The following MAN2A1 variants were observed in gnomAD, a reference collection of about 807,000 sequenced individuals.
The protein encoded by MAN2A1 is alpha-mannosidase 2.
In MAN2A1, 76 loss-of-function variants were observed where a neutral mutation model predicts 142.6. The observed-to-expected ratio is 0.53, with a 90% CI of 0.44 to 0.65. MAN2A1 has a LOEUF of 0.65. Among genes scored for constraint, MAN2A1 ranks in the 30% least tolerant of loss-of-function variants. The pLI, the probability that MAN2A1 is intolerant of heterozygous loss-of-function variation, is 0.00. For synonymous variants in MAN2A1, 559 were observed against 473.2 expected, an observed-to-expected ratio of 1.18 and a Z score of -2.35; for missense variants, 1,311 against 1,365.1, an observed-to-expected ratio of 0.96 and a Z score of 0.62.
At chr5:109,696,292 G>A (rs1360830422) in intron 1 of MAN2A1, among the ~76,000 whole-genome samples, 2 of 152,000 alleles carry the variant, frequency 1.3e-5, no homozygotes, top group East Asian at 3.9e-4. Flanking sequence ...GTAGAGACGG[G>A]GTTTCACCAT....
At chr5:109,816,368 C>A (rs545909117) in intron 12 of MAN2A1, among the ~76,000 whole-genome samples, 5 of 152,270 alleles carry the variant, frequency 3.3e-5, no homozygotes, top group African/African-American at 1.2e-4. Context: ...AAAAGTTGCA[C>A]GTAGTTGCAA....
At chr5:109,856,890 G>C (rs935215411) in intron 20 of MAN2A1, among the ~76,000 whole-genome samples, 1 of 152,124 alleles carries the variant, frequency 6.6e-6, no homozygotes, top group Non-Finnish European at 1.5e-5. Context: ...AAATGCCCCT[G>C]CCCTTCTAGA....
At chr5:109,749,353 C>T (rs1286516790) in intron 4 of MAN2A1, among the ~76,000 whole-genome samples, 1 of 152,006 alleles carries the variant, frequency 6.6e-6, no homozygotes, top group Non-Finnish European at 1.5e-5. Flanking sequence ...AGGTAAAATG[C>T]GGAATGACAG....
At chr5:109,813,692 T>C (rs1445128437) in intron 12 of MAN2A1, among the ~76,000 whole-genome samples, 3 of 152,218 alleles carry the variant, frequency 2.0e-5, no homozygotes, top group Non-Finnish European at 4.4e-5. Context: ...TGGGCACTGA[T>C]TAGATTTACC....
Position 109,774,832 on chromosome 5 carries a change from T to C in MAN2A1, c.1241T>C (p.Phe414Ser), listed in dbSNP as rs755099426. The C allele has an allele frequency of 1.2e-6, 2 of 1,613,172 alleles. No homozygotes were observed. The highest frequency in any genetic ancestry group is 4.5e-5 in the East Asian group (2 of 44,782). ...CAGTACCGAAAGAAGTCAAAGCTTT[T>C]TCGTACCAAAGTTCTCCTGGCTCCA... ...LDQYRKKSKL[F>S]RTKVLLAPLG... Residue 414 changes from phenylalanine to serine, a missense_variant, in exon 8 of 22, where the codon TTT becomes TCT. Phe to Ser is a radical substitution (Grantham distance 155). Coordinates refer to ENST00000261483, the MANE Select transcript of MAN2A1 (RefSeq NM_002372.4).
At position 109,781,546 on chromosome 5, in the gene MAN2A1, A is replaced by T; in HGVS notation, c.1525A>T (p.Thr509Ser). The change falls in exon 9 of 22, where the codon ACA becomes TCA. Residue 509 changes from threonine to serine, a missense_variant. This residue lies in a region of MAN2A1 where 890 missense variants were observed against 920.5 expected (regional missense o/e 0.97). Transcript: ENST00000261483. ...TGATCATTACTGGAGTGGCTATTTT[A>T]CATCCAGACCCTTTTACAAACGAAT... ...RDDHYWSGYF[T>S]SRPFYKRMDR... The T allele has an allele frequency of 6.2e-7, 1 of 1,612,702 alleles. No homozygotes were observed. The highest frequency in any genetic ancestry group is 8.5e-7 in the Non-Finnish European group (1 of 1,179,606).
chr5:109,862,034 A>G (rs1755771916), intron 20 of MAN2A1, among the ~76,000 whole-genome samples: 1 of 152,240 alleles, frequency 6.6e-6, no homozygotes. Flanking sequence ...AAATGAGTTA[A>G]TTGATGAAAA....
chr5:109,722,980 A>G (rs1751646832), intron 3 of MAN2A1, among the ~76,000 whole-genome samples: 1 of 152,152 alleles, frequency 6.6e-6, no homozygotes, highest in African/African-American at 2.4e-5. Flanking sequence ...GAGGGAGGGG[A>G]GGAGCTTTAG....
chr5:109,831,608 A>G (rs184057962), intron 16 of MAN2A1, among the ~76,000 whole-genome samples: 13 of 152,330 alleles, frequency 8.5e-5, no homozygotes, highest in African/African-American at 1.2e-4. Context: ...AGCATATCCA[A>G]TGGGCAGTGG....
intron 2 of MAN2A1, among the ~76,000 whole-genome samples, chr5:109,714,433 AAATT>A (rs1751397427): frequency 6.6e-6 from 1 of 152,334 alleles, no homozygotes; most frequent in African/African-American, 2.4e-5. Context: ...TGAAATTTTA[AAATT>A]AATTTCAACT....
At chr5:109,714,151 T>C (rs1205634837) in intron 2 of MAN2A1, among the ~76,000 whole-genome samples, 1 of 151,494 alleles carries the variant, frequency 6.6e-6, no homozygotes. Flanking sequence ...TTGTACATTA[T>C]AGATTTTGTA....
chr5:109,809,273 T>C (rs552637529), intron 12 of MAN2A1, among the ~76,000 whole-genome samples: 2 of 152,308 alleles, frequency 1.3e-5, no homozygotes, highest in South Asian at 4.1e-4. Context: ...TGACTTATTA[T>C]AGTTTAATTG....
At chr5:109,847,894 AT>A in intron 19 of MAN2A1, 104 bp downstream of exon 19, 1 of 864,554 alleles carries the variant, frequency 1.2e-6, no homozygotes, top group East Asian at 3.2e-5. Flanking sequence ...CATTTCCAAT[AT>A]TGAGATTTCT....
rs35865108 is a variant in MAN2A1, at chr5:109,749,870, A to G, written c.708-5459A>G. Among the ~76,000 whole-genome samples, 1,478 of 152,200 alleles carry G rather than the reference A, an allele frequency of 9.7e-3. 14 individuals are homozygous for G. Among genetic ancestry groups the G allele is most frequent in the Non-Finnish European group, 0.016 (1,070 of 67,938 alleles). The stretch of plus-strand genomic sequence containing the variant: ...ACTTGGAAGTGCCTGTATTCATTCT[A>G]AGTAAATTTTTTTATAGATACGGGT... On this transcript the variant is annotated intron_variant, in intron 4 of 21. Transcript: ENST00000261483.
At chr5:109,798,935 G>A (rs189652127) in intron 12 of MAN2A1, among the ~76,000 whole-genome samples, 8 of 152,060 alleles carry the variant, frequency 5.3e-5, no homozygotes, top group Admixed American at 2.6e-4. Context: ...CTCATGATCC[G>A]CCCACCTCAG....
intron 4 of MAN2A1, among the ~76,000 whole-genome samples, chr5:109,735,197 C>T (rs985797522): frequency 2.6e-5 from 4 of 151,950 alleles, no homozygotes; most frequent in Admixed American, 6.6e-5. Context: ...ATTGCAACCC[C>T]TGCCTTTTTT....
At chr5:109,694,339 AC>A (rs1254669086) in intron 1 of MAN2A1, among the ~76,000 whole-genome samples, 4 of 150,854 alleles carry the variant, frequency 2.7e-5, no homozygotes, top group Non-Finnish European at 5.9e-5. Context: ...GAACTTGTAT[AC>A]CTTTTTTTTT....
rs74779656 is a variant in MAN2A1 at position 109,705,645 on chromosome 5, A to G, written c.136-7875A>G. ...GTTTCTTATTGCTGCTATCACCACA[A>G]ACTTAGTGGCGTAAAACAAGAAAAA... On this transcript the variant is annotated intron_variant, in intron 1 of 21. Transcript: ENST00000261483. Among the ~76,000 whole-genome samples the G allele has an allele frequency of 7.2e-3, 1,097 of 152,304 alleles. 19 individuals carry two copies. Among genetic ancestry groups the G allele is most frequent in the African/African-American group, 0.025 (1,031 of 41,574 alleles).
At chr5:109,753,414 G>T (rs914531356) in intron 4 of MAN2A1, among the ~76,000 whole-genome samples, 1 of 152,170 alleles carries the variant, frequency 6.6e-6, no homozygotes, top group African/African-American at 2.4e-5. Context: ...CTTCTTCATT[G>T]TAGATTCTTG....
Sources: allele counts gnomAD v4.1 joint callset (sites outside exome capture counted in the v4.1 genomes callset), GRCh38; gene constraint gnomAD v4.1.1; regional missense constraint gnomAD v4.1.1; transcripts MANE v1.5; gene names NCBI Gene and HGNC (gene_info 2026-07-23, HGNC 2026-07-21).